Variants in FBN2 observed in about 807,000 individuals in gnomAD.
FBN2 encodes fibrillin-2.
A neutral mutation model predicts 355.6 loss-of-function variants in FBN2; 105 were observed. The ratio of observed to expected loss-of-function variants is 0.30; its 90% confidence interval spans 0.25 to 0.35. The LOEUF (loss-of-function observed/expected upper bound fraction) is 0.35. FBN2 is among the 10% of genes least tolerant of loss of function. The pLI is 1.00. For synonymous variants in FBN2, 1,350 were observed against 1,301.2 expected (o/e 1.04, Z -0.81); for missense variants, 3,280 against 3,758.7 (o/e 0.87, Z 3.33).
intron 4 of FBN2, among the ~76,000 whole-genome samples, chr5:128,523,712 A>G (rs940421434): frequency 6.6e-6 from 1 of 152,070 alleles, no homozygotes; most frequent in African/African-American, 2.4e-5. Flanking sequence ...TCTGGAAATG[A>G]CATCGCTATT....
intron 37 of FBN2, 91 bp downstream of exon 37, chr5:128,312,543 A>G (rs1016099351): frequency 1.9e-5 from 27 of 1,451,748 alleles, no homozygotes; most frequent in Non-Finnish European, 2.4e-5. Flanking sequence ...TGTCCTCACT[A>G]AACACTCCTC....
chr5:128,271,873 A>G, intron 62 of FBN2, 126 bp downstream of exon 62: 1 of 1,091,842 alleles, frequency 9.2e-7, no homozygotes, highest in Non-Finnish European at 1.4e-6. Flanking sequence ...ATCAGTCTTA[A>G]GGACTGGGTT....
chr5:128,303,357 C>T (rs2126836367), intron 45 of FBN2, among the ~76,000 whole-genome samples: 1 of 152,216 alleles, frequency 6.6e-6, no homozygotes, highest in East Asian at 1.9e-4. Flanking sequence ...GAGCATCCCC[C>T]TAGTAGAGAT....
At chr5:128,450,734 T>C (rs1333345849) in intron 6 of FBN2, among the ~76,000 whole-genome samples, 1 of 152,034 alleles carries the variant, frequency 6.6e-6, no homozygotes, top group Non-Finnish European at 1.5e-5. Context: ...AAAACCTGGC[T>C]TTTGGAAATA....
At chr5:128,443,116 G>A (rs1320996780) in intron 7 of FBN2, among the ~76,000 whole-genome samples, 3 of 152,158 alleles carry the variant, frequency 2.0e-5, no homozygotes, top group Admixed American at 1.3e-4. Context: ...AAAAGCAAAG[G>A]TCCTTGACAT....
intron 45 of FBN2, among the ~76,000 whole-genome samples, chr5:128,303,883 A>T (rs763989973): frequency 8.5e-5 from 13 of 152,204 alleles, no homozygotes; most frequent in Non-Finnish European, 1.8e-4. Context: ...AAGAAGAAGC[A>T]TGTATAAACA....
At chr5:128,312,399 CATG>C (rs1266140160) in intron 37 of FBN2, among the ~76,000 whole-genome samples, 1 of 152,166 alleles carries the variant, frequency 6.6e-6, no homozygotes, top group African/African-American at 2.4e-5. Flanking sequence ...ACTATTCATA[CATG>C]ATTACAGTTA....
intron 48 of FBN2, among the ~76,000 whole-genome samples, chr5:128,299,832 C>T (rs1749664216): frequency 6.6e-6 from 1 of 152,156 alleles, no homozygotes; most frequent in South Asian, 2.1e-4. Flanking sequence ...CCTATTTGGC[C>T]ATCTTGGCTC....
chr5:128,408,452 A>G (rs1198000307), intron 8 of FBN2, among the ~76,000 whole-genome samples: 1 of 152,198 alleles, frequency 6.6e-6, no homozygotes, highest in African/African-American at 2.4e-5. Context: ...TATTCCCAAA[A>G]TGACTTTGAC....
chr5:128,296,256 T>C (rs1178383755), intron 48 of FBN2, among the ~76,000 whole-genome samples: 2 of 151,496 alleles, frequency 1.3e-5, no homozygotes, highest in East Asian at 3.9e-4. Flanking sequence ...TTATTGAGGA[T>C]TTTTGCATCA....
chr5:128,377,575 C>G (rs899891258), intron 13 of FBN2, among the ~76,000 whole-genome samples, 177 bp downstream of exon 13: 1 of 149,996 alleles, frequency 6.7e-6, no homozygotes, highest in Non-Finnish European at 1.5e-5. Context: ...AAAAAACAAA[C>G]AAAAAACCTG....
intron 5 of FBN2, among the ~76,000 whole-genome samples, chr5:128,495,340 C>T (rs932065754): frequency 1.8e-4 from 28 of 151,738 alleles, no homozygotes; most frequent in South Asian, 6.2e-4. Flanking sequence ...ACCAAAAATA[C>T]GCAATAAAGG....
chr5:128,290,738 C>A lies in FBN2; in HGVS notation c.6439G>T (p.Asp2147Tyr). 1 of 1,614,114 alleles carries A rather than the reference C, an allele frequency of 6.2e-7. No homozygotes were observed. Among genetic ancestry groups the A allele is most frequent in the East Asian group, 2.2e-5 (1 of 44,886 alleles). Residue 2147 changes from aspartate (D) to tyrosine (Y), a missense_variant, in exon 50 of 65, where the codon GAT (aspartate) becomes TAT (tyrosine). This residue lies in a region of FBN2 where 2,284 missense variants were observed against 2,749.5 expected (regional missense o/e 0.83). Transcript: ENST00000262464. ...GDPCELCPKD[D>Y]EVAFQDLCPY... ...ATGATGTCATTGCTCTTACCTTCAT[C>A]GTCTTTGGGGCACAGCTCACAGGGG...
chr5:128,399,547 T>A (rs536480097), intron 8 of FBN2, among the ~76,000 whole-genome samples: 1 of 152,194 alleles, frequency 6.6e-6, no homozygotes, highest in African/African-American at 2.4e-5. Flanking sequence ...AATGGAAGGT[T>A]TGAGATGCAG....
chr5:128,463,976 C>A (rs927559372), intron 6 of FBN2, among the ~76,000 whole-genome samples: 1 of 152,114 alleles, frequency 6.6e-6, no homozygotes, highest in African/African-American at 2.4e-5. Flanking sequence ...TTAGAGAGAC[C>A]ATTTCCGAGC....
intron 48 of FBN2, among the ~76,000 whole-genome samples, chr5:128,293,917 A>C (rs886557556): frequency 6.6e-6 from 1 of 151,998 alleles, no homozygotes; most frequent in African/African-American, 2.4e-5. Context: ...TACATGTGCC[A>C]TGCTGGTGTG....
At chr5:128,402,057 CA>C in intron 8 of FBN2, among the ~76,000 whole-genome samples, 1 of 151,980 alleles carries the variant, frequency 6.6e-6, no homozygotes, top group East Asian at 1.9e-4. Flanking sequence ...TTAAGGTCTC[CA>C]AAAAGGCATA....
chr5:128,355,990 T>G (rs1751489831), intron 20 of FBN2, among the ~76,000 whole-genome samples: 1 of 152,224 alleles, frequency 6.6e-6, no homozygotes, highest in Non-Finnish European at 1.5e-5. Context: ...GATGCTCAAG[T>G]GGCATGCAGA....
At chr5:128,413,142 G>A (rs1302780317) in intron 7 of FBN2, among the ~76,000 whole-genome samples, 1 of 152,158 alleles carries the variant, frequency 6.6e-6, no homozygotes, top group Admixed American at 6.5e-5. Flanking sequence ...CTAAAAATTT[G>A]GGTATGAAAC....
Sources: allele counts gnomAD v4.1 joint callset (sites outside exome capture counted in the v4.1 genomes callset), GRCh38; gene constraint gnomAD v4.1.1; regional missense constraint gnomAD v4.1.1; transcripts MANE v1.5; gene names NCBI Gene and HGNC (gene_info 2026-07-23, HGNC 2026-07-21).